The following GALNT1 variants were observed in gnomAD, a reference collection of about 807,000 sequenced individuals.
GALNT1 encodes polypeptide N-acetylgalactosaminyltransferase 1.
Under a neutral mutation model 65.7 loss-of-function variants are expected in GALNT1, and 17 were observed. The observed-to-expected ratio is 0.26, with a 90% CI of 0.18 to 0.39. The LOEUF (loss-of-function observed/expected upper bound fraction) is 0.39, where lower values mean the gene tolerates loss of function less well. Among genes scored for constraint, GALNT1 ranks in the 10% least tolerant of loss-of-function variants. The probability of loss-of-function intolerance (pLI) is 1.00; values close to 1 mark genes in which losing one functional copy is unlikely to be tolerated. For synonymous variants in GALNT1, 210 were observed against 219.7 expected (o/e 0.96, Z 0.39); for missense variants, 460 against 672.8 (o/e 0.68, Z 3.50).
In GALNT1 at chr18:35,634,173, CATTT is replaced by C. The variant is rs547307854; in HGVS notation, c.-103-20385_-103-20382del. Among the ~76,000 whole-genome samples the C allele has an allele frequency of 2.9e-3, 436 of 152,200 alleles. 1 individual carries two copies. Among genetic ancestry groups the C allele is most frequent in the African/African-American group, 9.7e-3 (404 of 41,536 alleles). The stretch of plus-strand genomic sequence containing the variant: ...TGTATGAGTGTGTTGTTCATTTTCT[CATTT>C]AGTTTAGTGCAATGGGGCTATAAGG... On this transcript the variant is annotated intron_variant, in intron 1 of 11. Coordinates refer to ENST00000269195, the MANE Select transcript of GALNT1 (RefSeq NM_020474.4).
intron 1 of GALNT1, among the ~76,000 whole-genome samples, chr18:35,636,834 C>G (rs1426174229): frequency 6.9e-6 from 1 of 145,028 alleles, no homozygotes; most frequent in African/African-American, 2.6e-5. Flanking sequence ...TTGTGGCAAC[C>G]CTACACTGAA....
intron 1 of GALNT1, among the ~76,000 whole-genome samples, chr18:35,650,576 A>G (rs1402654456): frequency 6.6e-6 from 1 of 152,166 alleles, no homozygotes; most frequent in Non-Finnish European, 1.5e-5. Flanking sequence ...CAACCATAAA[A>G]GACAGACGTT....
intron 2 of GALNT1, among the ~76,000 whole-genome samples, chr18:35,661,140 C>A (rs753717402): frequency 3.6e-4 from 55 of 152,014 alleles, no homozygotes; most frequent in Non-Finnish European, 7.1e-4. Context: ...GTAATAATTT[C>A]TCCAGTCCTC....
intron 1 of GALNT1, among the ~76,000 whole-genome samples, chr18:35,602,146 GT>G (rs775841746): frequency 6.6e-6 from 1 of 150,430 alleles, no homozygotes; most frequent in Non-Finnish European, 1.5e-5. Flanking sequence ...GGTCATCTGG[GT>G]TGGTAATTTT....
chr18:35,594,752 A>T (rs1449891921), intron 1 of GALNT1, among the ~76,000 whole-genome samples: 2 of 152,210 alleles, frequency 1.3e-5, no homozygotes, highest in Non-Finnish European at 2.9e-5. Context: ...GCAGACGGAG[A>T]AGAACAAGTT....
At chr18:35,652,599 AACTG>A (rs1203856247) in intron 1 of GALNT1, among the ~76,000 whole-genome samples, 1 of 152,164 alleles carries the variant, frequency 6.6e-6, no homozygotes, top group African/African-American at 2.4e-5. Context: ...GAACTAACTG[AACTG>A]ATGATTTAGT....
At chr18:35,704,298 A>G (rs1039874746) in intron 11 of GALNT1, among the ~76,000 whole-genome samples, 2 of 150,128 alleles carry the variant, frequency 1.3e-5, no homozygotes, top group African/African-American at 4.9e-5. Context: ...ATTTAGTGCC[A>G]CTAAACAGAT....
chr18:35,684,439 C>A (rs1286873342), intron 5 of GALNT1, among the ~76,000 whole-genome samples: 1 of 152,206 alleles, frequency 6.6e-6, no homozygotes, highest in South Asian at 2.1e-4. Context: ...GAACATTGCC[C>A]TGAAGAATCA....
chr18:35,686,451 A>C (rs1396877360), intron 5 of GALNT1, among the ~76,000 whole-genome samples: 1 of 152,238 alleles, frequency 6.6e-6, no homozygotes, highest in Non-Finnish European at 1.5e-5. Flanking sequence ...AGGCGTCAAG[A>C]CTTATTTTAA....
intron 1 of GALNT1, among the ~76,000 whole-genome samples, chr18:35,631,813 G>A (rs10952046): frequency 5.3e-5 from 8 of 152,188 alleles, no homozygotes; most frequent in Admixed American, 1.3e-4. Context: ...AAACCCCATC[G>A]TCTCAGCCCA....
At chr18:35,691,970 A>G (rs1434073274) in intron 8 of GALNT1, among the ~76,000 whole-genome samples, 1 of 152,174 alleles carries the variant, frequency 6.6e-6, no homozygotes, top group Non-Finnish European at 1.5e-5. Flanking sequence ...TCTCACATAA[A>G]TGTCATTTTT....
In GALNT1 at chr18:35,677,755, G is replaced by A. The variant is rs750418950; in HGVS notation, c.479G>A (p.Arg160Lys). The A allele has an allele frequency of 1.4e-5, 23 of 1,593,400 alleles. No individual in the cohort carries two copies. Among genetic ancestry groups the A allele is most frequent in the Non-Finnish European group, 1.7e-6 (2 of 1,168,180 alleles). Residue 160 changes from arginine to lysine, a missense_variant and splice_region_variant, in exon 4 of 12, where the codon AGA becomes AAA. Coordinates refer to ENST00000269195, the MANE Select transcript of GALNT1 (RefSeq NM_020474.4). The stretch of plus-strand genomic sequence containing the variant: ...GTTCTAGTAGATGATGCCAGTGAAA[G>A]AGGTAAATTTTAAATTTTAATGCCA... ...EIVLVDDASE[R>K]DFLKRPLESY...
rs2048347170 is a variant in GALNT1 at position 35,711,292 on chromosome 18, C to A, written c.*1522C>A. The A allele has an allele frequency of 6.6e-6, 1 of 152,512 alleles. No homozygotes were observed. The allele number at this position is 152,512 out of a possible 1,614,324, so 9.4% of individuals were successfully genotyped here. A position where few individuals can be genotyped will look rare whatever the true frequency, so the allele number is the denominator to read the frequency against. On this transcript the variant is annotated 3_prime_UTR_variant, in exon 12 of 12. Transcript: ENST00000269195. ...AAATTATATTTAATGGAATTCTTTTCTTTGATTATCAAGGACTTTCACTGC... is the reference window on the plus strand; with the variant it reads ...AAATTATATTTAATGGAATTCTTTTATTTGATTATCAAGGACTTTCACTGC...
intron 5 of GALNT1, among the ~76,000 whole-genome samples, chr18:35,684,580 G>C (rs372407692): frequency 1.1e-3 from 174 of 152,240 alleles, no homozygotes; most frequent in African/African-American, 4.1e-3. Context: ...AGTATGGAAG[G>C]GAGTCAGCTG....
chr18:35,631,406 G>A (rs900626473), intron 1 of GALNT1, among the ~76,000 whole-genome samples: 3 of 152,020 alleles, frequency 2.0e-5, no homozygotes, highest in African/African-American at 7.3e-5. Flanking sequence ...TTCAACATAC[G>A]CAAATCAATA....
intron 9 of GALNT1, among the ~76,000 whole-genome samples, chr18:35,699,021 G>A (rs953685625): frequency 1.3e-5 from 2 of 152,076 alleles, no homozygotes; most frequent in East Asian, 1.9e-4. Context: ...CAACACAGGA[G>A]GTTACCCATC....
At chr18:35,606,704 C>T (rs1332706163) in intron 1 of GALNT1, among the ~76,000 whole-genome samples, 1 of 152,126 alleles carries the variant, frequency 6.6e-6, no homozygotes, top group African/African-American at 2.4e-5. Context: ...CACTGTCCCT[C>T]TTCCTTTTTA....
intron 1 of GALNT1, among the ~76,000 whole-genome samples, chr18:35,621,905 A>G (rs1005233734): frequency 6.6e-6 from 1 of 152,114 alleles, no homozygotes; most frequent in Non-Finnish European, 1.5e-5. Flanking sequence ...TGTGGGTCTG[A>G]TTCTGGGCTG....
At chr18:35,620,053 C>A (rs531172577) in intron 1 of GALNT1, among the ~76,000 whole-genome samples, 2 of 152,132 alleles carry the variant, frequency 1.3e-5, no homozygotes, top group African/African-American at 4.8e-5. Flanking sequence ...CCTCTTCCCC[C>A]ACAAAAAGGT....
Sources: allele counts gnomAD v4.1 joint callset (sites outside exome capture counted in the v4.1 genomes callset), GRCh38; gene constraint gnomAD v4.1.1; transcripts MANE v1.5; gene names NCBI Gene and HGNC (gene_info 2026-07-23, HGNC 2026-07-21).